ESRRB: variants seen among roughly 807,000 people sequenced by gnomAD.
ESRRB encodes the protein steroid hormone receptor ERR2.
A neutral mutation model predicts 46.0 loss-of-function variants in ESRRB; 16 were observed. The observed-to-expected ratio is 0.35, with a 90% CI of 0.24 to 0.53. ESRRB has a LOEUF of 0.53. Ranked by LOEUF, ESRRB falls within the 20% of genes least tolerant of loss-of-function variation. The pLI, the probability that ESRRB is intolerant of heterozygous loss-of-function variation, is 0.93. For missense variants in ESRRB, 488 were observed against 607.4 expected, an observed-to-expected ratio of 0.80 and a Z score of 2.07; for synonymous variants, 246 against 259.6, an observed-to-expected ratio of 0.95 and a Z score of 0.50.
At position 76,499,669 on chromosome 14, in the gene ESRRB, C is replaced by G. The variant is rs1890584935; in HGVS notation, c.*1211C>G. 4 of 654,326 alleles carry G rather than the reference C, an allele frequency of 6.1e-6. No individual in the cohort carries two copies. The highest frequency in any genetic ancestry group is 5.5e-6 in the Non-Finnish European group (2 of 362,444). 40.5% of individuals were successfully genotyped at this position (654,326 alleles called of 1,614,324 possible). Reference sequence around the variant, plus strand: ...TGGGCACCGCGAGCACGCCAGCTCTCTGGCAGGACCCCTGCAGTCCCCCTG... The same window carrying G: ...TGGGCACCGCGAGCACGCCAGCTCTGTGGCAGGACCCCTGCAGTCCCCCTG... On this transcript the variant is annotated 3_prime_UTR_variant, in exon 7 of 7. Coordinates refer to ENST00000644823, the MANE Select transcript of ESRRB (RefSeq NM_001379180.1).
Position 76,442,070 on chromosome 14 carries a change from G to A in ESRRB, c.460+2320G>A, listed in dbSNP as rs538291920. On this transcript the variant is annotated intron_variant, in intron 2 of 6. Transcript: ENST00000644823. ...TTCCACATATGAGTTGAGATGGTGTGGTGCATTGGCTAACCATCAGGGCTC... is the reference window on the plus strand; with the variant it reads ...TTCCACATATGAGTTGAGATGGTGTAGTGCATTGGCTAACCATCAGGGCTC... Among the ~76,000 whole-genome samples the A allele has an allele frequency of 7.9e-5, 12 of 152,364 alleles. No individual in the cohort carries two copies. The East Asian group carries it at 2.1e-3, about 27-fold the overall frequency.
At chr14:76,425,229 G>T (rs1403928869) in intron 1 of ESRRB, among the ~76,000 whole-genome samples, 1 of 152,268 alleles carries the variant, frequency 6.6e-6, no homozygotes, top group African/African-American at 2.4e-5. Flanking sequence ...GGGTGGGGTT[G>T]TATAAACTGT....
intron 2 of ESRRB, among the ~76,000 whole-genome samples, chr14:76,447,132 A>G (rs1303514899): frequency 6.6e-6 from 1 of 151,910 alleles, no homozygotes; most frequent in Non-Finnish European, 1.5e-5. Flanking sequence ...GATGTCTCCT[A>G]CCCCAGGCTC....
intron 1 of ESRRB, among the ~76,000 whole-genome samples, chr14:76,410,852 C>T (rs148401494): frequency 0.012 from 1,786 of 152,090 alleles, 31 homozygotes; most frequent in African/African-American, 0.041. Flanking sequence ...GGTGCAATCT[C>T]AGCTCACTGC....
intron 1 of ESRRB, among the ~76,000 whole-genome samples, chr14:76,356,717 C>A (rs1432593698): frequency 6.6e-6 from 1 of 152,210 alleles, no homozygotes; most frequent in Non-Finnish European, 1.5e-5. Context: ...GGGGAGGGGG[C>A]AGGTCCCTTA....
rs993979480 is a variant in ESRRB at position 76,376,496 on chromosome 14, G to A, written c.50+45G>A. The A allele has an allele frequency of 3.1e-5, 37 of 1,211,658 alleles. No homozygotes were observed. The highest frequency in any genetic ancestry group is 3.7e-5 in the Non-Finnish European group (36 of 969,776). The allele number at this position is 1,211,658 out of a possible 1,614,324, so 75.1% of individuals were successfully genotyped here. On this transcript the variant is annotated intron_variant, in intron 1 of 6. Transcript: ENST00000644823. This position sits in a 1 kb window ranked among gnomAD's most constrained non-coding sequence, Gnocchi z 4.1. ...GTCTGTCTGTCCTTCTGCCCGTCTG[G>A]CAGTCTCTGTCCTGGGGATCGCAGT...
chr14:76,432,671 C>CTTTT (rs529243634), intron 1 of ESRRB, among the ~76,000 whole-genome samples: 4,537 of 111,368 alleles, frequency 0.041, 824 homozygotes, highest in African/African-American at 0.19. Context: ...TTCTCTCTCT[C>CTTTT]TTTTTTTTTT....
chr14:76,440,310 A>T (rs191360432), intron 2 of ESRRB, among the ~76,000 whole-genome samples: 112 of 152,054 alleles, frequency 7.4e-4, no homozygotes, highest in African/African-American at 2.6e-3. Context: ...TATTATTATT[A>T]TTTTTAAATT....
intron 1 of ESRRB, among the ~76,000 whole-genome samples, chr14:76,315,319 A>G (rs917903386): frequency 1.3e-5 from 2 of 151,744 alleles, no homozygotes; most frequent in African/African-American, 2.4e-5. Flanking sequence ...TCCACCGAGG[A>G]GAGTCCATGC....
intron 1 of ESRRB, among the ~76,000 whole-genome samples, chr14:76,399,454 A>C (rs11626258): frequency 0.14 from 21,837 of 152,136 alleles, 1,966 homozygotes; most frequent in Non-Finnish European, 0.2. Context: ...GCTTCCTAGC[A>C]ATGTCCCCGC....
intron 2 of ESRRB, among the ~76,000 whole-genome samples, chr14:76,453,697 C>T (rs936629332): frequency 6.6e-6 from 1 of 151,460 alleles, no homozygotes; most frequent in Non-Finnish European, 1.5e-5. Context: ...TCCCTTCAAC[C>T]TCCCTGGGCT....
At chr14:76,394,379 C>G (rs1340620242) in intron 1 of ESRRB, among the ~76,000 whole-genome samples, 1 of 152,202 alleles carries the variant, frequency 6.6e-6, no homozygotes, top group Admixed American at 6.5e-5. Context: ...GAGCCAGGCG[C>G]TGTGCAAAGT....
chr14:76,335,317 T>G (rs1200454206), intron 1 of ESRRB, among the ~76,000 whole-genome samples: 1 of 152,208 alleles, frequency 6.6e-6, no homozygotes, highest in Non-Finnish European at 1.5e-5. Flanking sequence ...TGAGCCAGTA[T>G]GTACCCAGTA....
intron 1 of ESRRB, among the ~76,000 whole-genome samples, chr14:76,335,112 C>G (rs1047353681): frequency 6.6e-6 from 1 of 152,220 alleles, no homozygotes; most frequent in Admixed American, 6.5e-5. Context: ...TTCACCACCA[C>G]TGGGTCCTGG....
At chr14:76,346,236 C>T (rs963581488) in intron 1 of ESRRB, among the ~76,000 whole-genome samples, 47 of 152,178 alleles carry the variant, frequency 3.1e-4, no homozygotes, top group Non-Finnish European at 2.6e-4. Context: ...AAGATGGAAT[C>T]CATGCAGATC....
intron 1 of ESRRB, among the ~76,000 whole-genome samples, chr14:76,435,049 G>C (rs547011515): frequency 5.9e-5 from 9 of 152,236 alleles, no homozygotes; most frequent in Non-Finnish European, 1.3e-4. Flanking sequence ...GGGGATAGGA[G>C]GGCAGAGCGG....
intron 1 of ESRRB, among the ~76,000 whole-genome samples, chr14:76,426,834 C>A (rs1307865943): frequency 6.6e-6 from 1 of 152,062 alleles, no homozygotes; most frequent in Non-Finnish European, 1.5e-5. Flanking sequence ...AGTTCAAGAC[C>A]AGTCTGGGCA....
intron 5 of ESRRB, among the ~76,000 whole-genome samples, chr14:76,490,935 C>T (rs1445444790): frequency 5.9e-5 from 9 of 152,156 alleles, no homozygotes; most frequent in Non-Finnish European, 1.3e-4. Flanking sequence ...GCTGCGTCCT[C>T]GTTCTTGGTC....
At chr14:76,467,991 C>G (rs111382036) in intron 3 of ESRRB, among the ~76,000 whole-genome samples, 3 of 152,108 alleles carry the variant, frequency 2.0e-5, no homozygotes, top group Admixed American at 1.3e-4. Context: ...AAAGCTGGGC[C>G]GACATCCATG....
Sources: allele counts gnomAD v4.1 joint callset (sites outside exome capture counted in the v4.1 genomes callset), GRCh38; gene constraint gnomAD v4.1.1; non-coding constraint Gnocchi (gnomAD v3.1); transcripts MANE v1.5; gene names NCBI Gene and HGNC (gene_info 2026-07-23, HGNC 2026-07-21).